Variants in SLC4A5 observed in about 807,000 individuals in gnomAD.
SLC4A5 encodes the protein solute carrier family 4 member 5.
Under a neutral mutation model 120.4 loss-of-function variants are expected in SLC4A5, and 96 were observed. That is an observed-to-expected ratio of 0.80 (90% CI 0.68 to 0.94). The LOEUF is 0.94. SLC4A5 is among the 40% of genes least tolerant of loss of function. SLC4A5 has a pLI of 0.00. For missense variants in SLC4A5, 1,259 were observed against 1,459.5 expected (o/e 0.86, Z 2.24); for synonymous variants, 550 against 571.1 (o/e 0.96, Z 0.53).
rs1347942050 is a variant in SLC4A5, at chr2:74,319,742, C to T, written c.-2-4717G>A. Among the ~76,000 whole-genome samples, 4 of 152,150 alleles carry T rather than the reference C, an allele frequency of 2.6e-5. No individual in the cohort carries two copies. In the South Asian group the frequency reaches 8.3e-4, roughly 32 times the overall value. ...TTGACTTCCCATCAGCCACCCCTAA[C>T]CTCTTTGAGATCTGTAAATAATAAA... On this transcript the variant is annotated intron_variant, in intron 5 of 30. Transcript: ENST00000394019.
At chr2:74,217,221 A>G (rs1694471402) in exon 31 of SLC4A5, 1 of 152,192 alleles carries the variant, frequency 6.6e-6, no homozygotes, top group African/African-American at 2.4e-5. Flanking sequence ...GGTTCAAGTG[A>G]TTTACTCAAG....
At chr2:74,339,773 T>C (rs555371501) in intron 2 of SLC4A5, 22 of 152,296 alleles carry the variant, frequency 1.4e-4, no homozygotes, top group Admixed American at 9.8e-4. Flanking sequence ...TTCTTCACAA[T>C]AGCTAAAAGG....
At chr2:74,303,655 C>T (rs1012934225) in intron 7 of SLC4A5, among the ~76,000 whole-genome samples, 2 of 152,054 alleles carry the variant, frequency 1.3e-5, no homozygotes, top group African/African-American at 2.4e-5. Context: ...TCTGAAGGAG[C>T]AGAGGAAGGC....
chr2:74,289,317 C>A (rs966732756), intron 7 of SLC4A5, among the ~76,000 whole-genome samples: 2 of 150,346 alleles, frequency 1.3e-5, no homozygotes, highest in Non-Finnish European at 2.9e-5. Context: ...CTCAATTTTT[C>A]TATTACTTTT....
intron 25 of SLC4A5, among the ~76,000 whole-genome samples, chr2:74,229,881 GTTT>G (rs776603381): frequency 5.0e-5 from 7 of 138,994 alleles, no homozygotes; most frequent in Admixed American, 2.2e-4. Flanking sequence ...TCTGAATGAG[GTTT>G]TTTTTTTTTT....
chr2:74,257,373 T>A, intron 12 of SLC4A5, among the ~76,000 whole-genome samples: 1 of 152,110 alleles, frequency 6.6e-6, no homozygotes, highest in Admixed American at 6.5e-5. Flanking sequence ...AGTCCCTTTG[T>A]CTCAGGCATG....
At chr2:74,331,550 A>C (rs1488518846) in intron 4 of SLC4A5, among the ~76,000 whole-genome samples, 5 of 151,920 alleles carry the variant, frequency 3.3e-5, no homozygotes, top group African/African-American at 1.2e-4. Flanking sequence ...TTGATTACAC[A>C]TGTGAAATGG....
intron 5 of SLC4A5, among the ~76,000 whole-genome samples, chr2:74,325,900 G>GGGGAAAGGAA (rs1480139555): frequency 6.7e-6 from 1 of 149,962 alleles, no homozygotes; most frequent in Non-Finnish European, 1.5e-5. Flanking sequence ...GGGAAGGGAA[G>GGGGAAAGGAA]GGGAAAGGAA....
chr2:74,303,111 T>C (rs1213238633), intron 7 of SLC4A5, among the ~76,000 whole-genome samples: 2 of 151,498 alleles, frequency 1.3e-5, no homozygotes, highest in South Asian at 2.1e-4. Context: ...ATGTGGTGTG[T>C]GTGTGCGTGT....
chr2:74,313,879 C>T (rs552545598), intron 6 of SLC4A5, among the ~76,000 whole-genome samples: 1 of 152,228 alleles, frequency 6.6e-6, no homozygotes, highest in Non-Finnish European at 1.5e-5. Context: ...CAGAAAGGCC[C>T]CAACCCAAGA....
intron 4 of SLC4A5, among the ~76,000 whole-genome samples, chr2:74,329,155 A>T (rs374370840): frequency 2.0e-5 from 3 of 152,240 alleles, no homozygotes; most frequent in East Asian, 3.8e-4. Context: ...TAGAAGTAGC[A>T]GTAAAACGGT....
At chr2:74,236,132 G>A (rs1324920567) in intron 21 of SLC4A5, among the ~76,000 whole-genome samples, 1 of 151,968 alleles carries the variant, frequency 6.6e-6, no homozygotes, top group African/African-American at 2.4e-5. Context: ...ATCCAGCCCC[G>A]CCTTCCAGAT....
exon 31 of SLC4A5, chr2:74,217,759 G>C (rs1694489217): frequency 6.6e-6 from 1 of 152,174 alleles, no homozygotes. Flanking sequence ...ATCTGGGAAA[G>C]CCCCAGTCAC....
intron 11 of SLC4A5, 113 bp downstream of exon 11, chr2:74,262,024 G>C (rs1419329989): frequency 1.1e-6 from 1 of 950,420 alleles, no homozygotes; most frequent in African/African-American, 1.6e-5. Context: ...TGCATGCCCT[G>C]AGAATTCTTG....
chr2:74,231,297 ACT>A lies in SLC4A5; in HGVS notation c.2784_2785del (p.Arg928SerfsTer126). On this transcript the variant is annotated frameshift_variant, in exon 25 of 31. Transcript: ENST00000394019. LOFTEE classifies it high-confidence loss of function. ...CAGGATGAAGACGATGATGCCGGTT[ACT>A]CTCTGTTCCCTGGCAGAGAAGAACA... The A allele has an allele frequency of 1.2e-6, 2 of 1,611,664 alleles. No individual in the cohort carries two copies. The highest frequency in any genetic ancestry group is 8.5e-7 in the Non-Finnish European group (1 of 1,178,748).
intron 8 of SLC4A5, among the ~76,000 whole-genome samples, chr2:74,266,506 T>C (rs542135178): frequency 4.6e-5 from 7 of 152,262 alleles, no homozygotes; most frequent in African/African-American, 1.7e-4. Flanking sequence ...TGGGCTTAAG[T>C]GATCAGCCCA....
chr2:74,321,858 T>G (rs541426271), intron 5 of SLC4A5, among the ~76,000 whole-genome samples: 1 of 152,078 alleles, frequency 6.6e-6, no homozygotes, highest in Non-Finnish European at 1.5e-5. Context: ...CTGGTTGCCC[T>G]TAGCCAGTCA....
chr2:74,235,864 C>T (rs1486817470), intron 21 of SLC4A5, among the ~76,000 whole-genome samples: 1 of 152,174 alleles, frequency 6.6e-6, no homozygotes, highest in Non-Finnish European at 1.5e-5. Flanking sequence ...GTCCTCCGAC[C>T]TCCCCTCCAA....
intron 5 of SLC4A5, among the ~76,000 whole-genome samples, chr2:74,317,676 C>A: frequency 6.6e-6 from 1 of 152,146 alleles, no homozygotes; most frequent in African/African-American, 2.4e-5. Flanking sequence ...ACTGGGGAAA[C>A]AAAAAGGAGT....
Sources: allele counts gnomAD v4.1 joint callset (sites outside exome capture counted in the v4.1 genomes callset), GRCh38; gene constraint gnomAD v4.1.1; transcripts MANE v1.5; gene names NCBI Gene and HGNC (gene_info 2026-07-23, HGNC 2026-07-21).